The following THEM4 variants were observed in gnomAD, a reference collection of about 807,000 sequenced individuals.
THEM4 encodes the protein thioesterase superfamily member 4.
Under a neutral mutation model 25.0 loss-of-function variants are expected in THEM4, and 22 were observed. The observed-to-expected ratio is 0.88, with a 90% confidence interval of 0.63 to 1.26. The LOEUF (loss-of-function observed/expected upper bound fraction) is 1.26, where lower values mean the gene tolerates loss of function less well. THEM4 is among the 50% of genes most tolerant of loss of function. The probability of loss-of-function intolerance (pLI) is 0.00; values close to 1 mark genes in which losing one functional copy is unlikely to be tolerated. For missense variants in THEM4, 286 were observed against 300.3 expected (o/e 0.95, Z 0.35); for synonymous variants, 113 against 105.6 (o/e 1.07, Z -0.43).
Position 151,894,996 on chromosome 1 carries a change from G to T in THEM4, c.286+12C>A. On this transcript the variant is annotated intron_variant, in intron 2 of 5. Transcript: ENST00000368814. ...TGCTCAGATATATTAATGGGAAAGT[G>T]GCTGTTTCTACCAAGAAAATGGGTT... 1 of 1,613,302 alleles carries T rather than the reference G, an allele frequency of 6.2e-7. No individual in the cohort carries two copies.
At chr1:151,908,861 G>C (rs1654532937) in intron 1 of THEM4, among the ~76,000 whole-genome samples, 1 of 152,064 alleles carries the variant, frequency 6.6e-6, no homozygotes, top group Non-Finnish European at 1.5e-5. Flanking sequence ...ATGGCAACTG[G>C]GTTTTCTTCT....
At chr1:151,876,715 CG>C (rs1215798035) in intron 5 of THEM4, among the ~76,000 whole-genome samples, 1 of 152,026 alleles carries the variant, frequency 6.6e-6, no homozygotes, top group African/African-American at 2.4e-5. Flanking sequence ...TACCAAAGTG[CG>C]GGGACTACAG....
At chr1:151,882,729 T>C (rs555496304) in intron 4 of THEM4, among the ~76,000 whole-genome samples, 4 of 152,266 alleles carry the variant, frequency 2.6e-5, no homozygotes, top group Admixed American at 2.0e-4. Context: ...TTTTTAGTAA[T>C]ACAACCACCA....
chr1:151,902,115 A>G (rs1654366525), intron 1 of THEM4, among the ~76,000 whole-genome samples: 3 of 152,236 alleles, frequency 2.0e-5, no homozygotes, highest in Admixed American at 2.0e-4. Context: ...CATAATAAAA[A>G]AACTCAAAAA....
chr1:151,880,877 T>C (rs1477191232), intron 4 of THEM4, among the ~76,000 whole-genome samples: 3 of 152,172 alleles, frequency 2.0e-5, no homozygotes, highest in Non-Finnish European at 4.4e-5. Context: ...TACTGATTTA[T>C]TTAGACTTAT....
At position 151,889,251 on chromosome 1, in the gene THEM4, A is replaced by T; in HGVS notation, c.409T>A (p.Leu137Ile). ...YNDIEKRMVC[L>I]FQGGPYLEGP... ...TCCAGGTAAGGGCCTCCTTGAAATA[A>T]GCAAACCATCCTTTTCTCAATGTCA... Residue 137 changes from leucine to isoleucine, a missense_variant, in exon 3 of 6, where the codon TTA (leucine) becomes ATA (isoleucine). By Grantham distance (5) the Leu-to-Ile change is conservative. Coordinates refer to ENST00000368814, the MANE Select transcript of THEM4 (RefSeq NM_053055.5). 6.2e-7 allele frequency: 1 copy of T among 1,613,508 alleles called. No individual in the cohort carries two copies.
At position 151,873,834 on chromosome 1, in the gene THEM4, G is replaced by C. The variant is rs1392013597; in HGVS notation, c.*1054C>G. On this transcript the variant is annotated 3_prime_UTR_variant, in exon 6 of 6. Coordinates refer to ENST00000368814, the MANE Select transcript of THEM4 (RefSeq NM_053055.5). ...CCTGAGGCTCCCAGAAGCCAGGAGGGAGGCGTGGACAGCTCCTTCCCTAGC... is the reference window on the plus strand; with the variant it reads ...CCTGAGGCTCCCAGAAGCCAGGAGGCAGGCGTGGACAGCTCCTTCCCTAGC... 1 of 152,274 alleles carries C rather than the reference G, an allele frequency of 6.6e-6. No homozygotes were observed. Among genetic ancestry groups the C allele is most frequent in the Non-Finnish European group, 1.5e-5 (1 of 68,078 alleles). The allele number at this position is 152,274 out of a possible 1,614,324, so 9.4% of individuals were successfully genotyped here.
chr1:151,891,651 T>A (rs116460007), intron 2 of THEM4, among the ~76,000 whole-genome samples: 191 of 152,262 alleles, frequency 1.3e-3, no homozygotes, highest in African/African-American at 4.1e-3. Flanking sequence ...GAAAACAGGA[T>A]GTTTAAATGT....
At chr1:151,906,899 C>G in intron 1 of THEM4, among the ~76,000 whole-genome samples, 1 of 152,164 alleles carries the variant, frequency 6.6e-6, no homozygotes, top group Non-Finnish European at 1.5e-5. Context: ...GACCACTTGG[C>G]TCTACCAATC....
intron 1 of THEM4, among the ~76,000 whole-genome samples, chr1:151,905,031 T>G (rs1654426746): frequency 6.6e-6 from 1 of 152,208 alleles, no homozygotes; most frequent in African/African-American, 2.4e-5. Context: ...AGATTATAAA[T>G]GAAGTAGAAA....
intron 4 of THEM4, among the ~76,000 whole-genome samples, chr1:151,883,349 A>T (rs184366100): frequency 4.6e-5 from 7 of 152,026 alleles, no homozygotes; most frequent in Non-Finnish European, 8.8e-5. Flanking sequence ...TCCTGATCTC[A>T]GGTGATCCAC....
chr1:151,887,435 AAT>A (rs1420582950), intron 4 of THEM4, among the ~76,000 whole-genome samples: 242 of 151,904 alleles, frequency 1.6e-3, no homozygotes, highest in African/African-American at 5.1e-3. Context: ...GTCTCAAAAT[AAT>A]AATAATAATA....
chr1:151,909,508 T>A lies in THEM4; in HGVS notation c.-50A>T. On this transcript the variant is annotated 5_prime_UTR_variant, in exon 1 of 6. Transcript: ENST00000368814. ...TGCTCTAGCCCTGGACGGCGCACTC[T>A]ACCTCCGCCACAAGAGCGCGCGTGC... 7.6e-7 allele frequency: 1 copy of A among 1,312,676 alleles called. No homozygotes were observed. Among genetic ancestry groups the A allele is most frequent in the Non-Finnish European group, 9.7e-7 (1 of 1,026,256 alleles). 81.3% of individuals were successfully genotyped at this position (1,312,676 alleles called of 1,614,324 possible). A position where few individuals can be genotyped will look rare whatever the true frequency, so the allele number is the denominator to read the frequency against.
intron 2 of THEM4, among the ~76,000 whole-genome samples, chr1:151,893,578 T>G (rs1378012364): frequency 1.3e-5 from 2 of 151,630 alleles, no homozygotes; most frequent in Non-Finnish European, 2.9e-5. Context: ...TCCCTAAGAG[T>G]GTGGATGGTT....
intron 4 of THEM4, among the ~76,000 whole-genome samples, chr1:151,881,560 AT>A (rs1444086668): frequency 6.6e-6 from 1 of 152,104 alleles, no homozygotes; most frequent in African/African-American, 2.4e-5. Flanking sequence ...TTTTGCGCTC[AT>A]TTTTGAACTT....
chr1:151,896,483 G>C (rs1430205714), intron 1 of THEM4, among the ~76,000 whole-genome samples: 1 of 152,106 alleles, frequency 6.6e-6, no homozygotes, highest in African/African-American at 2.4e-5. Flanking sequence ...CAGTTTTGAG[G>C]GGCCTTATTA....
chr1:151,876,252 T>C (rs1263014589), intron 5 of THEM4, among the ~76,000 whole-genome samples: 3 of 152,242 alleles, frequency 2.0e-5, no homozygotes, highest in Admixed American at 6.5e-5. Flanking sequence ...AGGTGAGCTG[T>C]AGTTCTTTAA....
intron 4 of THEM4, among the ~76,000 whole-genome samples, chr1:151,887,208 C>T (rs1183473724): frequency 1.3e-5 from 2 of 152,202 alleles, no homozygotes; most frequent in Non-Finnish European, 2.9e-5. Context: ...GCAGGCGGAT[C>T]ACTTGAGGCC....
chr1:151,881,828 T>C (rs1199353526), intron 4 of THEM4, among the ~76,000 whole-genome samples: 3 of 152,214 alleles, frequency 2.0e-5, no homozygotes, highest in African/African-American at 7.2e-5. Flanking sequence ...ATAGATTGCT[T>C]TCTATATTGT....
Sources: allele counts gnomAD v4.1 joint callset (sites outside exome capture counted in the v4.1 genomes callset), GRCh38; gene constraint gnomAD v4.1.1; transcripts MANE v1.5; gene names NCBI Gene and HGNC (gene_info 2026-07-23, HGNC 2026-07-21).